Variants in CELSR1 observed in about 807,000 individuals in gnomAD.
The protein encoded by CELSR1 is cadherin EGF LAG seven-pass G-type receptor 1.
CELSR1 carries 110 observed loss-of-function variants against 249.1 expected under a neutral mutation model. The ratio of observed to expected loss-of-function variants is 0.44; its 90% CI spans 0.38 to 0.52. The LOEUF is 0.52. Ranked by LOEUF, CELSR1 falls within the 20% of genes least tolerant of loss-of-function variation. The pLI is 0.00. For missense variants in CELSR1, 4,109 were observed against 4,296.4 expected (o/e 0.96, Z 1.22); for synonymous variants, 2,113 against 1,900.0 (o/e 1.11, Z -2.92).
chr22:46,372,702 C>T lies in CELSR1; in HGVS notation c.7759+181G>A, dbSNP rs533321873. Among the ~76,000 whole-genome samples the T allele has an allele frequency of 2.6e-5, 4 of 152,266 alleles. No individual in the cohort carries two copies. In the South Asian group the frequency reaches 8.3e-4, roughly 32 times the overall value. ...CTCACACCTCACAGAAGACGTCGCCCCAGGTGTCTGCGAGTGCCCCTGTGC... is the reference window on the plus strand; with the variant it reads ...CTCACACCTCACAGAAGACGTCGCCTCAGGTGTCTGCGAGTGCCCCTGTGC... On this transcript the variant is annotated intron_variant, in intron 25 of 34. Coordinates refer to ENST00000674500, the MANE Select transcript of CELSR1 (RefSeq NM_001378328.1).
At chr22:46,475,132 T>C (rs1015341269) in intron 1 of CELSR1, among the ~76,000 whole-genome samples, 5 of 152,112 alleles carry the variant, frequency 3.3e-5, no homozygotes, top group Non-Finnish European at 7.3e-5. Context: ...TATAAAATCC[T>C]AGAAATGACA....
chr22:46,409,615 G>C lies in CELSR1; in HGVS notation c.5059+140C>G, dbSNP rs1357276111. ...CAGTCTCTTGGAGAGGGCGGTGTGA[G>C]TCCACAGTAAATGCAGCATATACCA... On this transcript the variant is annotated intron_variant, in intron 8 of 34. Coordinates refer to ENST00000674500, the MANE Select transcript of CELSR1 (RefSeq NM_001378328.1). This position sits in a 1 kb window ranked among gnomAD's most constrained non-coding sequence, Gnocchi z 9.8. 8 of 1,018,108 alleles carry C rather than the reference G, an allele frequency of 7.9e-6. No homozygotes were observed. The allele number at this position is 1,018,108 out of a possible 1,614,324, so 63.1% of individuals were successfully genotyped here. A position where few individuals can be genotyped will look rare whatever the true frequency, so the allele number is the denominator to read the frequency against.
rs1349841794 is a variant in CELSR1 at position 46,533,705 on chromosome 22, C to T, written c.3466G>A (p.Ala1156Thr). 5.6e-6 allele frequency: 9 copies of T among 1,612,070 alleles called. No individual in the cohort carries two copies. Among genetic ancestry groups the T allele is most frequent in the South Asian group, 4.4e-5 (4 of 91,010 alleles). ...CGGCTGAGCTGCAGTTCGCCCGTGG[C>T]GGGGTCCAGCAGCAACAGGCGCAGC... ...NELRLLLLDP[A>T]TGELQLSRDL... The change falls in exon 1 of 35, where the codon GCC (alanine) becomes ACC (threonine). Residue 1156 changes from alanine to threonine, a missense_variant. Around this residue, in one of 7 missense-constraint regions of CELSR1, gnomAD observed 886 missense variants for 896.5 expected, o/e 0.99. Transcript: ENST00000674500.
At chr22:46,514,465 C>T (rs1287094400) in intron 1 of CELSR1, among the ~76,000 whole-genome samples, 1 of 152,194 alleles carries the variant, frequency 6.6e-6, no homozygotes, top group Non-Finnish European at 1.5e-5. Context: ...GGCCCAAGGC[C>T]ACACACCTCT....
chr22:46,377,371 G>A (rs1422505847), intron 23 of CELSR1, 110 bp from the exon 24 acceptor site: 7 of 1,219,686 alleles, frequency 5.7e-6, no homozygotes, highest in African/African-American at 3.0e-5. Flanking sequence ...GATCAAGGCT[G>A]GCAGGATCAG....
chr22:46,378,601 G>A lies in CELSR1; in HGVS notation c.7373C>T (p.Ser2458Phe). ...TASFAVLMDI[S>F]RRENGEVLPL... ...CGGGAGGATGCCCACCTCACGCCTG[G>A]AGATATCCATGAGCACCGCAAAGCT... Residue 2458 changes from serine (S) to phenylalanine (F), a missense_variant, in exon 23 of 35, where the codon TCC becomes TTC. Transcript: ENST00000674500. 1 of 1,577,234 alleles carries A rather than the reference G, an allele frequency of 6.3e-7. No individual in the cohort carries two copies.
chr22:46,381,842 T>TA lies in CELSR1; in HGVS notation c.7088+3_7088+4insT. On this transcript the variant is annotated splice_donor_region_variant and intron_variant, in intron 21 of 34. Coordinates refer to ENST00000674500, the MANE Select transcript of CELSR1 (RefSeq NM_001378328.1). This position sits in a 1 kb window ranked among gnomAD's most constrained non-coding sequence, Gnocchi z 6.0. ...TCCCCGTGTGCCCCGTGCCCAGGCC[T>TA]TACCGGAGGCTGCGACGGTCGGGGT... is the stretch of plus-strand genomic sequence containing the variant. 6.5e-7 allele frequency: 1 copy of TA among 1,547,934 alleles called. No individual in the cohort carries two copies. The highest frequency in any genetic ancestry group is 8.7e-7 in the Non-Finnish European group (1 of 1,150,054).
rs2080295037 is a variant in CELSR1, at chr22:46,484,380, T to C, written c.3545-20035A>G. ...CCCAGCCCTCCTCAGAAATGCAGGCTGCAGCATCTGCCAGGAACTTGGAGG... is the reference window on the plus strand; with the variant it reads ...CCCAGCCCTCCTCAGAAATGCAGGCCGCAGCATCTGCCAGGAACTTGGAGG... On this transcript the variant is annotated intron_variant, in intron 1 of 34. Transcript: ENST00000674500. The surrounding 1 kb of genome is among the most constrained non-coding windows in gnomAD (Gnocchi z 4.5). 6.6e-6 allele frequency among the ~76,000 whole-genome samples: 1 copy of C among 152,128 alleles called. No individual in the cohort carries two copies. The highest frequency in any genetic ancestry group is 2.4e-5 in the African/African-American group (1 of 41,440).
rs986720171 is a variant in CELSR1 at position 46,394,122 on chromosome 22, T to A, written c.5964+20A>T. The A allele has an allele frequency of 1.9e-6, 3 of 1,610,894 alleles. No homozygotes were observed. The highest frequency in any genetic ancestry group is 2.5e-6 in the Non-Finnish European group (3 of 1,178,174). ...TGTGAGCAAACACAGCATGCAGGGA[T>A]CATGGGGGCGGGGCCTCACCTTGCA... On this transcript the variant is annotated intron_variant, in intron 14 of 34. Coordinates refer to ENST00000674500, the MANE Select transcript of CELSR1 (RefSeq NM_001378328.1).
chr22:46,486,844 G>A (rs2080317954), intron 1 of CELSR1, among the ~76,000 whole-genome samples: 1 of 151,984 alleles, frequency 6.6e-6, no homozygotes, highest in Admixed American at 6.6e-5. Flanking sequence ...CTCTGTCTCA[G>A]AACAAAAAAA....
rs2147454804 is a variant in CELSR1, at chr22:46,437,572, G to GA, written c.4407-1284dup. ...GGTTGACCAGCCTGGCCAACATGGT[G>GA]AAACCCCGTCTCTACTAAAAATACG... On this transcript the variant is annotated intron_variant, in intron 3 of 34. Coordinates refer to ENST00000674500, the MANE Select transcript of CELSR1 (RefSeq NM_001378328.1). The surrounding 1 kb of genome is among the most constrained non-coding windows in gnomAD (Gnocchi z 4.9). Among the ~76,000 whole-genome samples, 1 of 152,264 alleles carries GA rather than the reference G, an allele frequency of 6.6e-6. No individual in the cohort carries two copies. The highest frequency in any genetic ancestry group is 1.5e-5 in the Non-Finnish European group (1 of 68,022).
rs189683511 is a variant in CELSR1, at chr22:46,409,280, G to T, written c.5060-118C>A. On this transcript the variant is annotated intron_variant, in intron 8 of 34. Coordinates refer to ENST00000674500, the MANE Select transcript of CELSR1 (RefSeq NM_001378328.1). The surrounding 1 kb of genome is among the most constrained non-coding windows in gnomAD (Gnocchi z 9.8). ...GCCTGGGCCTTTTTCACTTTAACAC[G>T]AAGGTGGGTCTGAGCCTCCCCTCTG... is the stretch of plus-strand genomic sequence containing the variant. 2 of 1,060,512 alleles carry T rather than the reference G, an allele frequency of 1.9e-6. No individual in the cohort carries two copies. Among genetic ancestry groups the T allele is most frequent in the Non-Finnish European group, 2.7e-6 (2 of 745,316 alleles). 65.7% of individuals were successfully genotyped at this position (1,060,512 alleles called of 1,614,324 possible).
chr22:46,439,535 T>C (rs2147469006), intron 2 of CELSR1, 124 bp from the exon 3 acceptor site: 1 of 743,238 alleles, frequency 1.3e-6, no homozygotes. Context: ...AAAACCCGAC[T>C]GACTCCAGGA....
chr22:46,403,749 G>A (rs935449640), intron 9 of CELSR1, among the ~76,000 whole-genome samples: 1 of 151,994 alleles, frequency 6.6e-6, no homozygotes, highest in African/African-American at 2.4e-5. Flanking sequence ...GAGGCAGACA[G>A]ATCACCTGAG....
rs972809821 is a variant in CELSR1, at chr22:46,440,418, C to T, written c.4184-1007G>A. Among the ~76,000 whole-genome samples the T allele has an allele frequency of 4.6e-5, 7 of 152,186 alleles. No homozygotes were observed. The highest frequency in any genetic ancestry group is 1.7e-4 in the African/African-American group (7 of 41,450). On this transcript the variant is annotated intron_variant, in intron 2 of 34. Transcript: ENST00000674500. The surrounding 1 kb of genome is among the most constrained non-coding windows in gnomAD (Gnocchi z 4.7). The stretch of plus-strand genomic sequence containing the variant: ...GATTCACCGTGTTAGCCAGGATGGT[C>T]TCCATCTCCTAACCTCGTGATCCGC...
chr22:46,481,622 C>A, intron 1 of CELSR1: 1 of 697,012 alleles, frequency 1.4e-6, no homozygotes, highest in South Asian at 1.6e-5. Flanking sequence ...TGACTGTCCT[C>A]ACAACAGCTG....
intron 1 of CELSR1, among the ~76,000 whole-genome samples, chr22:46,475,659 T>TGGGGG (rs11386552): frequency 7.3e-5 from 11 of 149,824 alleles, no homozygotes; most frequent in African/African-American, 2.7e-4. Flanking sequence ...AAGAAACGAA[T>TGGGGG]GGGGGGGGAA....
chr22:46,493,600 C>G (rs761536874), intron 1 of CELSR1, among the ~76,000 whole-genome samples: 3 of 152,132 alleles, frequency 2.0e-5, no homozygotes, highest in Middle Eastern at 3.4e-3. Context: ...TGGCTGTGTC[C>G]CCACCCAAAT....
Position 46,478,858 on chromosome 22 carries a change from G to T in CELSR1, c.3545-14513C>A, listed in dbSNP as rs560671038. ...TGAGCCACCGTGCCCAGCCGAAGATGAGACGTCTTAGTAAACACAGCAACG... is the reference window on the plus strand; with the variant it reads ...TGAGCCACCGTGCCCAGCCGAAGATTAGACGTCTTAGTAAACACAGCAACG... On this transcript the variant is annotated intron_variant, in intron 1 of 34. Coordinates refer to ENST00000674500, the MANE Select transcript of CELSR1 (RefSeq NM_001378328.1). 4.5e-3 allele frequency among the ~76,000 whole-genome samples: 679 copies of T among 151,958 alleles called. 2 individuals are homozygous for T. Among genetic ancestry groups the T allele is most frequent in the Non-Finnish European group, 7.7e-3 (525 of 67,952 alleles).
Sources: allele counts gnomAD v4.1 joint callset (sites outside exome capture counted in the v4.1 genomes callset), GRCh38; gene constraint gnomAD v4.1.1; regional missense constraint gnomAD v4.1.1; non-coding constraint Gnocchi (gnomAD v3.1); transcripts MANE v1.5; gene names NCBI Gene and HGNC (gene_info 2026-07-23, HGNC 2026-07-21).